Variants in EDIL3 observed in about 807,000 individuals in gnomAD.
EDIL3 encodes the protein EGF-like repeat and discoidin I-like domain-containing protein 3.
In EDIL3, 37 loss-of-function variants were observed where a neutral mutation model predicts 67.4. The ratio of observed to expected loss-of-function variants is 0.55; its 90% CI spans 0.42 to 0.72. The LOEUF (loss-of-function observed/expected upper bound fraction) is 0.72. Ranked by LOEUF, EDIL3 falls within the 30% of genes least tolerant of loss-of-function variation. The pLI is 0.00. For missense variants in EDIL3, 527 were observed against 586.3 expected, an observed-to-expected ratio of 0.90 and a Z score of 1.04; for synonymous variants, 195 against 196.3, an observed-to-expected ratio of 0.99 and a Z score of 0.05.
chr5:84,113,208 T>TTCTTAAAACCATGTA, intron 5 of EDIL3, among the ~76,000 whole-genome samples: 1 of 152,206 alleles, frequency 6.6e-6, no homozygotes, highest in South Asian at 2.1e-4. Flanking sequence ...TAGAATATGG[T>TTCTTAAAACCATGTA]AGTCTGCATT....
chr5:84,200,762 T>A (rs922698749), intron 3 of EDIL3, among the ~76,000 whole-genome samples: 1 of 152,094 alleles, frequency 6.6e-6, no homozygotes, highest in African/African-American at 2.4e-5. Context: ...ACATGACTAC[T>A]ATGTAGACAT....
intron 4 of EDIL3, among the ~76,000 whole-genome samples, chr5:84,166,983 C>T (rs879547697): frequency 1.3e-5 from 2 of 152,052 alleles, no homozygotes; most frequent in South Asian, 2.1e-4. Flanking sequence ...CGAACAGGAA[C>T]GGGGCATGCC....
Position 84,318,891 on chromosome 5 carries a change from T to A in EDIL3, c.68-64679A>T, listed in dbSNP as rs532523947. Among the ~76,000 whole-genome samples the A allele has an allele frequency of 1.9e-3, 288 of 152,044 alleles. 1 individual carries two copies. The highest frequency in any genetic ancestry group is 3.4e-3 in the Middle Eastern group (1 of 294). On this transcript the variant is annotated intron_variant, in intron 1 of 10. Transcript: ENST00000296591. ...AGACAACCTACAGATTGGGAGAAAA[T>A]TTTTGTAATCTATCCATCTGACAAA...
chr5:84,164,465 C>T (rs1346555489), intron 4 of EDIL3, among the ~76,000 whole-genome samples: 2 of 151,922 alleles, frequency 1.3e-5, no homozygotes, highest in African/African-American at 4.8e-5. Context: ...GACAGGCACC[C>T]TTGAAAGATA....
At position 84,052,825 on chromosome 5, in the gene EDIL3, A is replaced by G. The variant is rs541012031; in HGVS notation, c.1137+7475T>C. On this transcript the variant is annotated intron_variant, in intron 9 of 10. Coordinates refer to ENST00000296591, the MANE Select transcript of EDIL3 (RefSeq NM_005711.5). ...TTCATAAAGCAAGTCCTTAGGACCT[A>G]CAAAGAGACTTAGACTCCCACACAA... 1.8e-4 allele frequency among the ~76,000 whole-genome samples: 28 copies of G among 152,324 alleles called. 1 individual carries two copies. In the South Asian group the frequency reaches 3.1e-3, roughly 17 times the overall value.
At chr5:84,306,895 G>T (rs946324845) in intron 1 of EDIL3, among the ~76,000 whole-genome samples, 1 of 152,086 alleles carries the variant, frequency 6.6e-6, no homozygotes, top group African/African-American at 2.4e-5. Context: ...TTGCCTCACT[G>T]GGCCTTATAT....
intron 10 of EDIL3, among the ~76,000 whole-genome samples, chr5:83,944,644 G>A (rs1469810200): frequency 6.6e-6 from 1 of 151,642 alleles, no homozygotes; most frequent in Non-Finnish European, 1.5e-5. Flanking sequence ...TCTTATTAAA[G>A]TGATTTCTAA....
intron 9 of EDIL3, among the ~76,000 whole-genome samples, chr5:83,980,189 C>T (rs1477580300): frequency 1.3e-5 from 2 of 151,640 alleles, no homozygotes; most frequent in African/African-American, 2.4e-5. Context: ...TGCGTTCTTG[C>T]TGTCCTGAGA....
At chr5:84,074,312 C>CA (rs1028500165) in intron 6 of EDIL3, among the ~76,000 whole-genome samples, 1 of 151,042 alleles carries the variant, frequency 6.6e-6, no homozygotes, top group African/African-American at 2.4e-5. Flanking sequence ...TCTAAAACAC[C>CA]AAAAGCAATG....
At chr5:84,236,785 C>CTT (rs529883790) in intron 2 of EDIL3, among the ~76,000 whole-genome samples, 1 of 143,190 alleles carries the variant, frequency 7.0e-6, no homozygotes, top group Non-Finnish European at 1.5e-5. Context: ...TGTTTTTACC[C>CTT]TTTTTTTTTT....
chr5:84,034,318 T>A (rs1745979426), intron 9 of EDIL3, among the ~76,000 whole-genome samples: 2 of 152,158 alleles, frequency 1.3e-5, no homozygotes, highest in Non-Finnish European at 2.9e-5. Context: ...ATTTAAAAAA[T>A]TAAACTAAGC....
At chr5:84,098,817 C>T (rs1310464001) in intron 6 of EDIL3, among the ~76,000 whole-genome samples, 1 of 152,050 alleles carries the variant, frequency 6.6e-6, no homozygotes, top group Non-Finnish European at 1.5e-5. Context: ...AGAAAGATCT[C>T]CATTTAATAA....
chr5:83,946,361 G>C (rs1223692231), intron 10 of EDIL3, among the ~76,000 whole-genome samples: 1 of 151,876 alleles, frequency 6.6e-6, no homozygotes, highest in African/African-American at 2.4e-5. Context: ...GGTCTCTCAG[G>C]CTTTTTCTAA....
At chr5:84,036,371 T>G (rs932334129) in intron 9 of EDIL3, among the ~76,000 whole-genome samples, 12 of 152,212 alleles carry the variant, frequency 7.9e-5, no homozygotes, top group Admixed American at 3.3e-4. Flanking sequence ...CTGGCAAGTA[T>G]CAATAAGAAA....
intron 9 of EDIL3, among the ~76,000 whole-genome samples, chr5:83,978,900 G>A (rs1030852505): frequency 6.6e-6 from 1 of 152,030 alleles, no homozygotes; most frequent in Non-Finnish European, 1.5e-5. Context: ...TAGCATTTGT[G>A]ACATGAAGTA....
chr5:84,323,115 A>G (rs1746683213), intron 1 of EDIL3, among the ~76,000 whole-genome samples: 1 of 152,036 alleles, frequency 6.6e-6, no homozygotes, highest in African/African-American at 2.4e-5. Context: ...ATATTAATAC[A>G]CTTTTTTAAA....
At chr5:84,380,611 T>G (rs1282376469) in intron 1 of EDIL3, among the ~76,000 whole-genome samples, 1 of 152,116 alleles carries the variant, frequency 6.6e-6, no homozygotes, top group Non-Finnish European at 1.5e-5. Flanking sequence ...TCAGAATTAC[T>G]TTTTTAGGCT....
At chr5:84,164,258 G>GAAC (rs1748665405) in intron 4 of EDIL3, among the ~76,000 whole-genome samples, 2 of 152,048 alleles carry the variant, frequency 1.3e-5, no homozygotes, top group Non-Finnish European at 2.9e-5. Context: ...ATACTTACTG[G>GAAC]ATTTGAACAT....
chr5:84,015,085 A>C (rs1419237916), intron 9 of EDIL3, among the ~76,000 whole-genome samples: 2 of 152,216 alleles, frequency 1.3e-5, no homozygotes, highest in African/African-American at 4.8e-5. Flanking sequence ...CAGGACACTT[A>C]GATGGGTTGA....
Sources: allele counts gnomAD v4.1 joint callset (sites outside exome capture counted in the v4.1 genomes callset), GRCh38; gene constraint gnomAD v4.1.1; transcripts MANE v1.5; gene names NCBI Gene and HGNC (gene_info 2026-07-23, HGNC 2026-07-21).